The following ARRB1 variants were observed in gnomAD, a reference collection of about 807,000 sequenced individuals.
ARRB1 encodes beta-arrestin-1.
ARRB1 carries 21 observed loss-of-function variants against 56.8 expected under a neutral mutation model. The ratio of observed to expected loss-of-function variants is 0.37; its 90% CI spans 0.26 to 0.53. The LOEUF (loss-of-function observed/expected upper bound fraction) is 0.53, where lower values mean the gene tolerates loss of function less well. Among genes scored for constraint, ARRB1 ranks in the 20% least tolerant of loss-of-function variants. The probability of loss-of-function intolerance (pLI) is 0.88; values close to 1 mark genes in which losing one functional copy is unlikely to be tolerated. For missense variants in ARRB1, 424 were observed against 553.7 expected (o/e 0.77, Z 2.35); for synonymous variants, 210 against 218.6 (o/e 0.96, Z 0.35).
chr11:75,291,265 C>T (rs747138557), intron 1 of ARRB1, among the ~76,000 whole-genome samples: 5 of 152,116 alleles, frequency 3.3e-5, no homozygotes, highest in East Asian at 1.9e-4. Context: ...ACCCAGAAGA[C>T]GGAGCTTGCA....
intron 1 of ARRB1, among the ~76,000 whole-genome samples, chr11:75,309,628 A>T (rs138325905): frequency 1.7e-4 from 26 of 152,254 alleles, no homozygotes; most frequent in Middle Eastern, 6.8e-3. Context: ...TGGGGGTCAC[A>T]TTACCTCACA....
At position 75,351,453 on chromosome 11, in the gene ARRB1, T is replaced by C; in HGVS notation, c.20+135A>G. 4 of 1,341,532 alleles carry C rather than the reference T, an allele frequency of 3.0e-6. No homozygotes were observed. The South Asian group carries it at 4.3e-5, about 14-fold the overall frequency. 83.1% of individuals were successfully genotyped at this position (1,341,532 alleles called of 1,614,324 possible). A position where few individuals can be genotyped will look rare whatever the true frequency, so the allele number is the denominator to read the frequency against. On this transcript the variant is annotated intron_variant, in intron 1 of 15. Coordinates refer to ENST00000420843, the MANE Select transcript of ARRB1 (RefSeq NM_004041.5). ...TGCCGGGGAGACCACACAGGAGACCTCGGGTGGAGGAGAGCTGGTACTAGA... is the reference window on the plus strand; with the variant it reads ...TGCCGGGGAGACCACACAGGAGACCCCGGGTGGAGGAGAGCTGGTACTAGA...
chr11:75,333,534 G>A (rs895488159), intron 1 of ARRB1, among the ~76,000 whole-genome samples: 2 of 152,164 alleles, frequency 1.3e-5, no homozygotes, highest in African/African-American at 4.8e-5. Context: ...GTTGATGAGG[G>A]TCATGGGGCA....
At chr11:75,270,436 T>C (rs1946051671) in intron 13 of ARRB1, among the ~76,000 whole-genome samples, 1 of 152,192 alleles carries the variant, frequency 6.6e-6, no homozygotes, top group Non-Finnish European at 1.5e-5. Context: ...AAGACCAGCC[T>C]GGCCAAGATA....
intron 10 of ARRB1, among the ~76,000 whole-genome samples, chr11:75,276,210 C>A (rs1203818088): frequency 3.8e-5 from 1 of 26,524 alleles, no homozygotes; most frequent in East Asian, 4.8e-4. Context: ...ACTTGCAGGG[C>A]CAGGAAAAAA....
chr11:75,300,857 G>A (rs1307853664), intron 1 of ARRB1, among the ~76,000 whole-genome samples: 1 of 150,364 alleles, frequency 6.7e-6, no homozygotes, highest in South Asian at 2.1e-4. Flanking sequence ...AGTCCCAGCT[G>A]CGCGGGAGGC....
chr11:75,336,343 C>G (rs1346848479), intron 1 of ARRB1, among the ~76,000 whole-genome samples: 1 of 152,058 alleles, frequency 6.6e-6, no homozygotes, highest in East Asian at 1.9e-4. Context: ...TGATGTCCTC[C>G]CCACACCCTG....
chr11:75,314,991 T>C (rs764708446), intron 1 of ARRB1, among the ~76,000 whole-genome samples: 2 of 151,738 alleles, frequency 1.3e-5, no homozygotes, highest in Admixed American at 6.6e-5. Flanking sequence ...TGACAGCTGC[T>C]CTTTCCATTG....
rs138888342 is a variant in ARRB1, at chr11:75,264,998, GA to G, written c.*1164del. 17,949 of 152,268 alleles carry G rather than the reference GA, an allele frequency of 0.12. 1,381 individuals are homozygous for G. The highest frequency in any genetic ancestry group is 0.17 in the Non-Finnish European group (11,644 of 68,010). The allele number at this position is 152,268 out of a possible 1,614,324, so 9.4% of individuals were successfully genotyped here. A position where few individuals can be genotyped will look rare whatever the true frequency, so the allele number is the denominator to read the frequency against. ...GGAGGTCATCAACTCACCAAGAAAAGAAGGGGCTTATTTGCTACCCAGCAGC... is the reference window on the plus strand; with the variant it reads ...GGAGGTCATCAACTCACCAAGAAAAGAGGGGCTTATTTGCTACCCAGCAGC... On this transcript the variant is annotated 3_prime_UTR_variant, in exon 16 of 16. Transcript: ENST00000420843.
At chr11:75,270,116 C>T (rs1946042932) in intron 13 of ARRB1, among the ~76,000 whole-genome samples, 1 of 152,286 alleles carries the variant, frequency 6.6e-6, no homozygotes, top group Admixed American at 6.5e-5. Context: ...CTGAGCTCAA[C>T]TTGGAACAAA....
intron 6 of ARRB1, chr11:75,281,644 G>A (rs545824869): frequency 5.4e-4 from 206 of 378,214 alleles, no homozygotes; most frequent in Middle Eastern, 3.1e-3. Context: ...GGGGATGATC[G>A]CACTTTGATT....
intron 10 of ARRB1, among the ~76,000 whole-genome samples, chr11:75,276,235 TTGAA>T (rs1191422708): frequency 1.3e-5 from 2 of 152,202 alleles, no homozygotes; most frequent in Non-Finnish European, 2.9e-5. Context: ...GTGTATGTCT[TTGAA>T]TGGGAGCATT....
chr11:75,284,156 G>A (rs1946419751), intron 4 of ARRB1, 79 bp downstream of exon 4: 2 of 1,421,660 alleles, frequency 1.4e-6, no homozygotes, highest in East Asian at 2.3e-5. Flanking sequence ...GTGGGGATGG[G>A]CAGGGAGTTC....
chr11:75,304,910 A>C (rs1041879310), intron 1 of ARRB1, among the ~76,000 whole-genome samples: 61 of 151,990 alleles, frequency 4.0e-4, no homozygotes, highest in African/African-American at 1.4e-3. Context: ...GAGGAAAAAA[A>C]AAAGTTTAAA....
At chr11:75,335,369 G>A (rs1023465587) in intron 1 of ARRB1, among the ~76,000 whole-genome samples, 2 of 152,140 alleles carry the variant, frequency 1.3e-5, no homozygotes, top group African/African-American at 2.4e-5. Flanking sequence ...AGGATTGCTC[G>A]AGCCCAGGAG....
chr11:75,333,785 C>T (rs1947557002), intron 1 of ARRB1, among the ~76,000 whole-genome samples: 2 of 152,182 alleles, frequency 1.3e-5, no homozygotes, highest in African/African-American at 4.8e-5. Flanking sequence ...GTTTGTTCTT[C>T]GAAGCCCTCC....
rs1946075229 is a variant in ARRB1, at chr11:75,271,631, G to C, written c.1022+70C>G. 25 of 1,475,986 alleles carry C rather than the reference G, an allele frequency of 1.7e-5. No homozygotes were observed. The South Asian group carries it at 2.8e-4, about 16-fold the overall frequency. 91.4% of individuals were successfully genotyped at this position (1,475,986 alleles called of 1,614,324 possible). A position where few individuals can be genotyped will look rare whatever the true frequency, so the allele number is the denominator to read the frequency against. On this transcript the variant is annotated intron_variant, in intron 13 of 15. Coordinates refer to ENST00000420843, the MANE Select transcript of ARRB1 (RefSeq NM_004041.5). ...TTCCAACCCAGTGCCCTGTGATTCT[G>C]GTCAGTCAAGCCAATGGGCTCCAGG...
intron 1 of ARRB1, among the ~76,000 whole-genome samples, chr11:75,340,902 G>A (rs1252654915): frequency 1.3e-5 from 2 of 152,080 alleles, no homozygotes; most frequent in Non-Finnish European, 2.9e-5. Flanking sequence ...GGGGAGTGGC[G>A]CCAGCAGCCC....
intron 3 of ARRB1, among the ~76,000 whole-genome samples, chr11:75,286,243 T>C (rs1946468773): frequency 1.3e-5 from 2 of 149,798 alleles, no homozygotes; most frequent in African/African-American, 4.9e-5. Context: ...GGCCTCACTT[T>C]GATTTGCTCA....
Sources: allele counts gnomAD v4.1 joint callset (sites outside exome capture counted in the v4.1 genomes callset), GRCh38; gene constraint gnomAD v4.1.1; transcripts MANE v1.5; gene names NCBI Gene and HGNC (gene_info 2026-07-23, HGNC 2026-07-21).